DOCK2: variants seen among roughly 807,000 people sequenced by gnomAD.
DOCK2 encodes dedicator of cytokinesis 2.
A neutral mutation model predicts 248.9 loss-of-function variants in DOCK2; 87 were observed. The observed-to-expected ratio is 0.35, with a 90% CI of 0.29 to 0.42. The LOEUF (loss-of-function observed/expected upper bound fraction) is 0.42. Ranked by LOEUF, DOCK2 falls within the 10% of genes least tolerant of loss-of-function variation. The pLI, the probability that DOCK2 is intolerant of heterozygous loss-of-function variation, is 1.00. For missense variants in DOCK2, 1,747 were observed against 2,300.2 expected (o/e 0.76, Z 4.92); for synonymous variants, 805 against 821.6 (o/e 0.98, Z 0.35).
At chr5:169,945,842 C>A (rs1776428454) in intron 27 of DOCK2, among the ~76,000 whole-genome samples, 1 of 152,210 alleles carries the variant, frequency 6.6e-6, no homozygotes, top group South Asian at 2.1e-4. Flanking sequence ...CTTTGTGCAG[C>A]CTGATTTTTC....
At chr5:169,851,113 T>G (rs1770598499) in intron 27 of DOCK2, among the ~76,000 whole-genome samples, 1 of 152,202 alleles carries the variant, frequency 6.6e-6, no homozygotes, top group African/African-American at 2.4e-5. Flanking sequence ...ATCCGTGGTG[T>G]GTAGCAGGCA....
intron 6 of DOCK2, among the ~76,000 whole-genome samples, chr5:169,679,868 T>TAAA (rs1759560506): frequency 6.6e-6 from 1 of 152,226 alleles, no homozygotes; most frequent in Non-Finnish European, 1.5e-5. Flanking sequence ...GATGAAGACT[T>TAAA]AGTTTCCTTC....
chr5:169,840,636 T>C (rs747856521), intron 26 of DOCK2, 121 bp from the exon 27 acceptor site: 20 of 722,672 alleles, frequency 2.8e-5, no homozygotes, highest in Middle Eastern at 2.6e-4. Flanking sequence ...GCAGTAGTGG[T>C]GGTGGTGTTG....
chr5:169,658,479 C>CAAAA (rs5873187), intron 2 of DOCK2, among the ~76,000 whole-genome samples: 3,217 of 75,826 alleles, frequency 0.042, 204 homozygotes, highest in Non-Finnish European at 0.052. Context: ...GCCTCCGTCT[C>CAAAA]AAAAAAAAAA....
chr5:170,023,796 A>G (rs1385108149), intron 33 of DOCK2, among the ~76,000 whole-genome samples: 1 of 152,222 alleles, frequency 6.6e-6, no homozygotes, highest in Non-Finnish European at 1.5e-5. Flanking sequence ...TCTTCCTGAC[A>G]TCCAGGCCTC....
intron 44 of DOCK2, among the ~76,000 whole-genome samples, chr5:170,060,468 A>G (rs961174642): frequency 1.3e-5 from 2 of 152,208 alleles, no homozygotes; most frequent in African/African-American, 4.8e-5. Context: ...ACATTTTTAA[A>G]GGCTAGAATC....
intron 46 of DOCK2, 62 bp from the exon 47 acceptor site, chr5:170,075,880 TGGGCG>T: frequency 6.3e-7 from 1 of 1,594,654 alleles, no homozygotes; most frequent in Non-Finnish European, 8.6e-7. Flanking sequence ...GCTGCCTTGA[TGGGCG>T]GGGTGCCAGG....
At chr5:169,715,888 T>C (rs888125413) in intron 19 of DOCK2, among the ~76,000 whole-genome samples, 4 of 152,220 alleles carry the variant, frequency 2.6e-5, no homozygotes. Context: ...GAGTGTACTT[T>C]CTGTGCCTGA....
intron 13 of DOCK2, 149 bp downstream of exon 13, chr5:169,700,288 T>G: frequency 8.3e-7 from 1 of 1,198,212 alleles, no homozygotes; most frequent in Middle Eastern, 2.5e-4. Context: ...AAATGATGTC[T>G]GTATATCCAA....
chr5:169,919,538 C>A (rs966208694), intron 27 of DOCK2, among the ~76,000 whole-genome samples: 1 of 152,178 alleles, frequency 6.6e-6, no homozygotes, highest in African/African-American at 2.4e-5. Context: ...CCTTAATTCT[C>A]CAGCATGCAT....
rs773793960 is a variant in DOCK2, at chr5:170,076,130, G to T, written c.4866+46G>T. On this transcript the variant is annotated intron_variant, in intron 47 of 51. Transcript: ENST00000520908. ...TTGGAGGGGTGGGATTGTGCAGGGT[G>T]GGGCAGGGAAGCATGCTGGAGGCTG... 5 of 1,595,520 alleles carry T rather than the reference G, an allele frequency of 3.1e-6. 1 individual carries two copies. The South Asian group carries it at 3.4e-5, about 11-fold the overall frequency.
intron 25 of DOCK2, among the ~76,000 whole-genome samples, chr5:169,762,364 T>A (rs1764537296): frequency 6.6e-6 from 1 of 152,214 alleles, no homozygotes; most frequent in Admixed American, 6.5e-5. Context: ...CTTAATGGTA[T>A]ATATTTTTGG....
chr5:169,638,204 G>A (rs1401573142), intron 1 of DOCK2, among the ~76,000 whole-genome samples: 4 of 152,110 alleles, frequency 2.6e-5, no homozygotes, highest in Non-Finnish European at 2.9e-5. Context: ...TAAATATTTC[G>A]CAGGTGAGGC....
chr5:169,787,703 T>C (rs2113038441), intron 25 of DOCK2, among the ~76,000 whole-genome samples: 1 of 128,986 alleles, frequency 7.8e-6, no homozygotes, highest in East Asian at 2.1e-4. Context: ...TCCTCCACTT[T>C]TGCTTTTTTT....
At chr5:169,686,272 T>G (rs1185492760) in intron 8 of DOCK2, among the ~76,000 whole-genome samples, 1 of 152,192 alleles carries the variant, frequency 6.6e-6, no homozygotes, top group African/African-American at 2.4e-5. Flanking sequence ...GCTCACTGCC[T>G]GCCACATTGA....
chr5:169,905,384 TG>T (rs1774221149), intron 27 of DOCK2, among the ~76,000 whole-genome samples: 1 of 151,962 alleles, frequency 6.6e-6, no homozygotes, highest in Non-Finnish European at 1.5e-5. Context: ...TAAAATCATC[TG>T]GGGGCAAACC....
chr5:169,642,845 G>A (rs1053330529), intron 1 of DOCK2, among the ~76,000 whole-genome samples: 2 of 152,192 alleles, frequency 1.3e-5, no homozygotes, highest in African/African-American at 4.8e-5. Context: ...TGTTTTCTAA[G>A]CTCTGCTTCC....
At chr5:169,914,127 A>T (rs1042636536) in intron 27 of DOCK2, among the ~76,000 whole-genome samples, 1 of 152,200 alleles carries the variant, frequency 6.6e-6, no homozygotes, top group Non-Finnish European at 1.5e-5. Context: ...TATAGATATT[A>T]TACATCCTGA....
chr5:169,714,015 G>C lies in DOCK2; in HGVS notation c.1660-13G>C, dbSNP rs200638316. On this transcript the variant is annotated splice_polypyrimidine_tract_variant and intron_variant, in intron 17 of 51. Transcript: ENST00000520908. ...AGCCTTGGCTTGGGGCAGTAACCAA[G>C]TGTTGTTTCCAGGGGGACAGCAAGA... is the stretch of plus-strand genomic sequence containing the variant. 149 of 1,582,548 alleles carry C rather than the reference G, an allele frequency of 9.4e-5. No homozygotes were observed. The African/African-American group carries it at 1.8e-3, about 19-fold the overall frequency.
Sources: gnomAD v4.1 joint callset for allele counts (sites outside exome capture counted in the v4.1 genomes callset) on GRCh38, gnomAD v4.1.1 for gene constraint, MANE v1.5 for transcripts, NCBI Gene and HGNC (gene_info 2026-07-23, HGNC 2026-07-21) for gene names.